XRCC4: variants seen among roughly 807,000 people sequenced by gnomAD.
The protein encoded by XRCC4 is X-ray repair cross complementing 4.
A neutral mutation model predicts 39.1 loss-of-function variants in XRCC4; 28 were observed. The ratio of observed to expected loss-of-function variants is 0.72; its 90% CI spans 0.53 to 0.98. The LOEUF (loss-of-function observed/expected upper bound fraction) is 0.98, where lower values mean the gene tolerates loss of function less well. XRCC4 is among the 50% of genes least tolerant of loss of function. The pLI, the probability that XRCC4 is intolerant of heterozygous loss-of-function variation, is 0.00. For missense variants in XRCC4, 350 were observed against 376.4 expected (o/e 0.93, Z 0.58); for synonymous variants, 123 against 126.4 (o/e 0.97, Z 0.18).
chr5:83,160,205 TTGAA>T (rs1561371173), intron 3 of XRCC4, among the ~76,000 whole-genome samples: 2 of 152,176 alleles, frequency 1.3e-5, no homozygotes, highest in African/African-American at 2.4e-5. Flanking sequence ...AATGTTAACT[TTGAA>T]TGACAGGATA....
chr5:83,265,443 C>T (rs1753921017), intron 7 of XRCC4, among the ~76,000 whole-genome samples: 1 of 152,172 alleles, frequency 6.6e-6, no homozygotes, highest in Admixed American at 6.6e-5. Flanking sequence ...CCTAACTGGT[C>T]AGGCTGCGGC....
intron 6 of XRCC4, among the ~76,000 whole-genome samples, chr5:83,211,631 C>A (rs796750594): frequency 6.6e-6 from 1 of 152,134 alleles, no homozygotes; most frequent in Non-Finnish European, 1.5e-5. Flanking sequence ...GCCCCTCCCC[C>A]AACAAAAGAA....
intron 1 of XRCC4, among the ~76,000 whole-genome samples, chr5:83,078,621 AG>A (rs1744791937): frequency 6.6e-6 from 1 of 152,210 alleles, no homozygotes; most frequent in Non-Finnish European, 1.5e-5. Context: ...GGGCACACAA[AG>A]GTTTTGTTTT....
At chr5:83,114,792 T>TGG (rs1234273047) in intron 3 of XRCC4, among the ~76,000 whole-genome samples, 1 of 152,198 alleles carries the variant, frequency 6.6e-6, no homozygotes, top group African/African-American at 2.4e-5. Context: ...GGTACCTTTA[T>TGG]AGCAGCACTC....
chr5:83,218,176 A>G (rs1006151931), intron 6 of XRCC4, among the ~76,000 whole-genome samples: 2 of 150,306 alleles, frequency 1.3e-5, no homozygotes, highest in African/African-American at 2.4e-5. Flanking sequence ...CCATTAACTC[A>G]TCATTTACAT....
intron 1 of XRCC4, among the ~76,000 whole-genome samples, chr5:83,095,958 A>G (rs1745656224): frequency 1.3e-5 from 2 of 151,850 alleles, no homozygotes; most frequent in Admixed American, 6.6e-5. Flanking sequence ...ATGGAGGCAG[A>G]CACACCCGTT....
chr5:83,082,159 GT>G (rs1319670791), intron 1 of XRCC4, among the ~76,000 whole-genome samples: 1 of 152,126 alleles, frequency 6.6e-6, no homozygotes, highest in Admixed American at 6.5e-5. Flanking sequence ...TATAGTAATT[GT>G]GTTCTGTTCT....
chr5:83,304,019 C>T (rs1755389490), intron 7 of XRCC4, among the ~76,000 whole-genome samples: 1 of 151,584 alleles, frequency 6.6e-6, no homozygotes. Flanking sequence ...GTGGTTAAAA[C>T]AAAAGTAATT....
intron 7 of XRCC4, among the ~76,000 whole-genome samples, chr5:83,284,319 G>C (rs941442827): frequency 6.6e-6 from 1 of 151,854 alleles, no homozygotes; most frequent in Admixed American, 6.6e-5. Context: ...CAGTGACTAA[G>C]AATTTTTTTA....
intron 2 of XRCC4, among the ~76,000 whole-genome samples, chr5:83,106,506 C>G (rs943468311): frequency 5.9e-5 from 9 of 151,986 alleles, no homozygotes; most frequent in African/African-American, 2.2e-4. Flanking sequence ...TAATCTAGTC[C>G]ATAAGCCTCA....
At chr5:83,121,685 G>A (rs1747015330) in intron 3 of XRCC4, among the ~76,000 whole-genome samples, 1 of 152,140 alleles carries the variant, frequency 6.6e-6, no homozygotes. Context: ...AAGTTTGTGG[G>A]AGAAGCAGAT....
At chr5:83,354,195 TCAGTAAA>T (rs779800841), downstream of XRCC4, among the ~76,000 whole-genome samples, 12 of 152,320 alleles carry the variant, frequency 7.9e-5, no homozygotes, top group South Asian at 2.1e-4. Flanking sequence ...TTGATTCTCC[TCAGTAAA>T]CATTTTCACT....
intron 6 of XRCC4, among the ~76,000 whole-genome samples, chr5:83,223,577 AT>A (rs1372872915): frequency 0.039 from 5,568 of 144,176 alleles, 335 homozygotes; most frequent in African/African-American, 0.13. Flanking sequence ...TTTGAATGGA[AT>A]TTTTTTTTTT....
intron 7 of XRCC4, among the ~76,000 whole-genome samples, chr5:83,329,675 C>G (rs1399293287): frequency 6.6e-6 from 1 of 152,088 alleles, no homozygotes; most frequent in Non-Finnish European, 1.5e-5. Context: ...AATAGGAACA[C>G]AGCAGCACTT....
intron 7 of XRCC4, among the ~76,000 whole-genome samples, chr5:83,335,056 A>G (rs1420141537): frequency 2.0e-5 from 3 of 151,994 alleles, no homozygotes; most frequent in Admixed American, 6.6e-5. Flanking sequence ...TGAAACCTAA[A>G]AGCTGTGCTA....
intron 7 of XRCC4, among the ~76,000 whole-genome samples, chr5:83,288,860 C>G (rs1431929292): frequency 6.6e-6 from 1 of 151,844 alleles, no homozygotes; most frequent in Middle Eastern, 3.4e-3. Context: ...ATTATTACTT[C>G]AAATATTTTT....
At position 83,286,837 on chromosome 5, in the gene XRCC4, TGCAATAATGCAATAA is replaced by T. The variant is rs1049623885; in HGVS notation, c.893+28161_893+28175del. Among the ~76,000 whole-genome samples, 74 of 152,124 alleles carry T rather than the reference TGCAATAATGCAATAA, an allele frequency of 4.9e-4. 1 individual carries two copies. Among genetic ancestry groups the T allele is most frequent in the African/African-American group, 1.8e-3 (74 of 41,540 alleles). On this transcript the variant is annotated intron_variant, in intron 7 of 7. Coordinates refer to ENST00000396027, the MANE Select transcript of XRCC4 (RefSeq NM_003401.5). The stretch of plus-strand genomic sequence containing the variant: ...AGAGAGGTGGACAATGGGGGGTTAT[TGCAATAATGCAATAA>T]CTGACGATGTGCATGTAAAGTAGTT...
At chr5:83,280,336 C>T in intron 7 of XRCC4, 1 of 444,052 alleles carries the variant, frequency 2.3e-6, no homozygotes. Context: ...ATCCTCTATT[C>T]CTGATACTAG....
chr5:83,181,643 A>G (rs1430596977), intron 3 of XRCC4, among the ~76,000 whole-genome samples: 2 of 152,226 alleles, frequency 1.3e-5, no homozygotes, highest in African/African-American at 4.8e-5. Context: ...CAAAGATTTA[A>G]TATAGGGAAT....
Sources: gnomAD v4.1 joint callset for allele counts (sites outside exome capture counted in the v4.1 genomes callset) on GRCh38, gnomAD v4.1.1 for gene constraint, MANE v1.5 for transcripts, NCBI Gene and HGNC (gene_info 2026-07-23, HGNC 2026-07-21) for gene names.